NLGN4X: variants seen among roughly 807,000 people sequenced by gnomAD.
The protein encoded by NLGN4X is neuroligin-4, X-linked.
NLGN4X carries 3 observed loss-of-function variants against 40.3 expected under a neutral mutation model. The ratio of observed to expected loss-of-function variants is 0.07; its 90% CI spans 0.03 to 0.19. The LOEUF is 0.19. Ranked by LOEUF, NLGN4X falls within the 10% of genes least tolerant of loss-of-function variation. The probability of loss-of-function intolerance (pLI) is 1.00; values close to 1 mark genes in which losing one functional copy is unlikely to be tolerated. For missense variants in NLGN4X, 382 were observed against 708.3 expected (o/e 0.54, Z 5.23); for synonymous variants, 270 against 306.8 (o/e 0.88, Z 1.25).
intron 3 of NLGN4X, among the ~76,000 whole-genome samples, chrX:6,018,495 T>C (rs1280803388): frequency 8.9e-6 from 1 of 111,949 alleles, no homozygotes; most frequent in African/African-American, 3.2e-5. Flanking sequence ...TGATGTTTTT[T>C]TGTTGTTCTT....
intron 2 of NLGN4X, among the ~76,000 whole-genome samples, chrX:6,098,458 T>C (rs1334317269): frequency 8.9e-6 from 1 of 111,869 alleles, no homozygotes; most frequent in Non-Finnish European, 1.9e-5. Flanking sequence ...ATTGTCTTAG[T>C]TGCCTTTGTG....
In NLGN4X at chrX:5,903,257, T is replaced by C. The variant is rs748858159; in HGVS notation, c.1421A>G (p.His474Arg). Residue 474 changes from histidine (H) to arginine (R), a missense_variant, in exon 5 of 6, where the codon CAT (histidine) becomes CGT (arginine). His to Arg is a conservative substitution (Grantham distance 29). Coordinates refer to ENST00000381095, the MANE Select transcript of NLGN4X (RefSeq NM_181332.3). ...GSPTYFYAFY[H>R]HCQSEMKPSW... ...GGGCTTCATTTCGCTTTGGCAGTGA[T>C]GATAGAAGGCATAGAAGTAGGTGGG... 3 of 1,211,850 alleles carry C rather than the reference T, an allele frequency of 2.5e-6. No individual in the cohort carries two copies. Among genetic ancestry groups the C allele is most frequent in the Non-Finnish European group, 3.4e-6 (3 of 895,504 alleles).
intron 3 of NLGN4X, among the ~76,000 whole-genome samples, chrX:5,991,160 C>T (rs773744005): frequency 1.8e-5 from 2 of 111,109 alleles, no homozygotes; most frequent in African/African-American, 6.5e-5. Flanking sequence ...AATATGTGGC[C>T]GCCTTCTCCC....
At chrX:6,165,987 T>TA (rs763073069) in intron 1 of NLGN4X, among the ~76,000 whole-genome samples, 1 of 111,973 alleles carries the variant, frequency 8.9e-6, no homozygotes, top group South Asian at 3.7e-4. Context: ...AGTCTTTAGA[T>TA]AGATTCCATG....
chrX:5,959,338 T>C (rs1212678714), intron 3 of NLGN4X, among the ~76,000 whole-genome samples: 1 of 112,355 alleles, frequency 8.9e-6, no homozygotes, highest in Non-Finnish European at 1.9e-5. Flanking sequence ...ACCTTCATCA[T>C]GCCATTGTGA....
intron 3 of NLGN4X, among the ~76,000 whole-genome samples, chrX:6,000,539 A>T (rs1320760231): frequency 1.8e-5 from 2 of 111,102 alleles, no homozygotes; most frequent in East Asian, 5.7e-4. Flanking sequence ...CCTTGCAGCT[A>T]GGTTGTGCCA....
chrX:6,060,254 T>C (rs1450931081), intron 2 of NLGN4X, among the ~76,000 whole-genome samples: 1 of 111,961 alleles, frequency 8.9e-6, no homozygotes, highest in Non-Finnish European at 1.9e-5. Flanking sequence ...TTTGTTTCAT[T>C]CGTTTGTTAT....
At position 6,090,827 on chromosome X, in the gene NLGN4X, G is replaced by A. The variant is rs141555194; in HGVS notation, c.472+60168C>T. Reference sequence around the variant, plus strand: ...GGTAGTGGTGCCACTGTCATCTACTGGGCAGAGCCCAGGCATGCTGCTAAA... The same window carrying A: ...GGTAGTGGTGCCACTGTCATCTACTAGGCAGAGCCCAGGCATGCTGCTAAA... On this transcript the variant is annotated intron_variant, in intron 2 of 5. Coordinates refer to ENST00000381095, the MANE Select transcript of NLGN4X (RefSeq NM_181332.3). 2.4e-3 allele frequency among the ~76,000 whole-genome samples: 268 copies of A among 112,009 alleles called. 1 individual carries two copies. The highest frequency in any genetic ancestry group is 7.9e-3 in the African/African-American group (244 of 30,879).
chrX:6,070,320 A>T (rs748885773), intron 2 of NLGN4X, among the ~76,000 whole-genome samples: 35 of 112,395 alleles, frequency 3.1e-4, no homozygotes, highest in Non-Finnish European at 5.6e-4. Flanking sequence ...TAACACTTCA[A>T]AAAAGCAGGT....
intron 2 of NLGN4X, among the ~76,000 whole-genome samples, chrX:6,110,411 C>T (rs1166368238): frequency 8.9e-6 from 1 of 111,878 alleles, no homozygotes; most frequent in Non-Finnish European, 1.9e-5. Context: ...TGCAAGGGGG[C>T]TGGGCTGTCA....
intron 3 of NLGN4X, among the ~76,000 whole-genome samples, chrX:5,918,857 T>G (rs2032915744): frequency 8.9e-6 from 1 of 111,943 alleles, no homozygotes; most frequent in African/African-American, 3.2e-5. Flanking sequence ...ATCAGAGAAA[T>G]TAGTGCAATT....
At chrX:6,143,637 A>G (rs181319617) in intron 2 of NLGN4X, among the ~76,000 whole-genome samples, 136 of 112,336 alleles carry the variant, frequency 1.2e-3, no homozygotes, top group Middle Eastern at 4.6e-3. Context: ...TCTTTTGAAT[A>G]TACCATTTAG....
intron 1 of NLGN4X, among the ~76,000 whole-genome samples, chrX:6,177,557 G>C (rs1031796055): frequency 8.9e-6 from 1 of 111,956 alleles, no homozygotes; most frequent in African/African-American, 3.3e-5. Flanking sequence ...ATTTATAATT[G>C]TACTCATTTG....
chrX:5,987,431 C>T (rs983936620), intron 3 of NLGN4X, among the ~76,000 whole-genome samples: 1 of 112,894 alleles, frequency 8.9e-6, no homozygotes, highest in Non-Finnish European at 1.9e-5. Flanking sequence ...TATTTCTTCA[C>T]ATGGGTGTTG....
chrX:6,189,318 T>C (rs1396079987), intron 1 of NLGN4X, among the ~76,000 whole-genome samples: 2 of 111,953 alleles, frequency 1.8e-5, no homozygotes, highest in Non-Finnish European at 3.8e-5. Context: ...GCCAACTGAT[T>C]CTTGGTGTAC....
chrX:6,116,396 T>C (rs1259588868), intron 2 of NLGN4X, among the ~76,000 whole-genome samples: 2 of 9,717 alleles, frequency 2.1e-4, no homozygotes, highest in Non-Finnish European at 3.7e-4. Context: ...TCTTTCTTTT[T>C]TTTTTTTTTT....
Position 5,965,926 on chromosome X carries a change from C to T in NLGN4X, c.626-56687G>A, listed in dbSNP as rs1232312242. On this transcript the variant is annotated intron_variant, in intron 3 of 5. Transcript: ENST00000381095. Reference sequence around the variant, plus strand: ...CCCATAAAAAATCCAAGAAGCAGATCTTGGTAACTTTATCACTAGACTGCA... The same window carrying T: ...CCCATAAAAAATCCAAGAAGCAGATTTTGGTAACTTTATCACTAGACTGCA... 4.5e-5 allele frequency among the ~76,000 whole-genome samples: 5 copies of T among 111,537 alleles called. No individual in the cohort carries two copies. The East Asian group carries it at 1.4e-3, about 32-fold the overall frequency.
At chrX:6,223,847 C>A (rs1925918546) in intron 1 of NLGN4X, among the ~76,000 whole-genome samples, 1 of 112,726 alleles carries the variant, frequency 8.9e-6, no homozygotes, top group Non-Finnish European at 1.9e-5. Context: ...GTCTGAATAT[C>A]CATTCACATA....
chrX:6,107,255 C>T lies in NLGN4X; in HGVS notation c.472+43740G>A, dbSNP rs367917579. Among the ~76,000 whole-genome samples, 215 of 111,943 alleles carry T rather than the reference C, an allele frequency of 1.9e-3. 1 individual carries two copies. Among genetic ancestry groups the T allele is most frequent in the African/African-American group, 6.2e-3 (192 of 30,847 alleles). Reference sequence around the variant, plus strand: ...TCTGCCTAGACTTCAGCCAGCTTCACGCAGGTGCAGCCTCACTTCATACCT... The same window carrying T: ...TCTGCCTAGACTTCAGCCAGCTTCATGCAGGTGCAGCCTCACTTCATACCT... On this transcript the variant is annotated intron_variant, in intron 2 of 5. Transcript: ENST00000381095.
Sources: gnomAD v4.1 joint callset for allele counts (sites outside exome capture counted in the v4.1 genomes callset) on GRCh38, gnomAD v4.1.1 for gene constraint, MANE v1.5 for transcripts, NCBI Gene and HGNC (gene_info 2026-07-23, HGNC 2026-07-21) for gene names.